Variants in NBPF8 observed in about 807,000 individuals in gnomAD.
NBPF8 encodes the protein NBPF member 8, also known as NBPF family member NBPF8.
downstream of NBPF8, among the ~76,000 whole-genome samples, chr1:120,469,329 G>A (rs1421371929): frequency 7.6e-5 from 11 of 143,960 alleles, no homozygotes; most frequent in African/African-American, 2.9e-4. Context: ...TTCTCTCCTG[G>A]CCCTTGATTG....
chr1:120,430,768 A>T (rs2101562246), intron 3 of NBPF8, among the ~76,000 whole-genome samples: 2 of 148,724 alleles, frequency 1.3e-5, no homozygotes, highest in East Asian at 3.9e-4. Context: ...AAAAAAAAAA[A>T]AAAAAAGGAA....
intron 16 of NBPF8, among the ~76,000 whole-genome samples, chr1:120,456,236 A>G (rs1376368275): frequency 1.1e-4 from 17 of 151,134 alleles, no homozygotes; most frequent in African/African-American, 4.2e-4. Flanking sequence ...AAGAATGTAT[A>G]TTCTGTTGAT....
At chr1:120,436,453 T>A (rs1316959266) in exon 1 of NBPF8, 1 of 1,198,386 alleles carries the variant, frequency 8.3e-7, no homozygotes, top group African/African-American at 1.5e-5. Flanking sequence ...TCACCAGTTT[T>A]TAACCCATCA....
intron 21 of NBPF8, 134 bp downstream of exon 19, chr1:120,463,100 TG>T (rs1661637890): frequency 1.4e-6 from 1 of 698,812 alleles, no homozygotes; most frequent in African/African-American, 1.8e-5. Flanking sequence ...GCATATAGGT[TG>T]TAATGAGACT....
upstream of NBPF8, chr1:120,432,547 GTACAAACATACATGGTA>G (rs1339439056): frequency 2.0e-5 from 3 of 150,858 alleles, no homozygotes; most frequent in East Asian, 5.8e-4. Flanking sequence ...ATAAGTGAAA[GTACAAACATACATGGTA>G]TAGCCACACG....
chr1:120,460,398 C>G (rs1661546909), intron 17 of NBPF8, among the ~76,000 whole-genome samples, 175 bp from the exon 16 acceptor site: 1 of 152,156 alleles, frequency 6.6e-6, no homozygotes, highest in African/African-American at 2.4e-5. Context: ...CATGAAAGAA[C>G]CCAAGCCAGT....
At chr1:120,466,241 G>A in exon 25 of NBPF8, 3 of 1,606,810 alleles carry the variant, frequency 1.9e-6, no homozygotes, top group East Asian at 2.2e-5. Flanking sequence ...ACTAAGCCGA[G>A]AGGTGTCATT....
intron 11 of NBPF8, among the ~76,000 whole-genome samples, 160 bp downstream of exon 9, chr1:120,449,562 A>G (rs1661198665): frequency 6.6e-6 from 1 of 151,868 alleles, no homozygotes; most frequent in Non-Finnish European, 1.5e-5. Context: ...TGGAAGACAG[A>G]GGTACCAAAG....
chr1:120,462,048 G>A, intron 19 of NBPF8, 98 bp from the exon 18 acceptor site: 2 of 308,612 alleles, frequency 6.5e-6, no homozygotes, highest in Non-Finnish European at 1.1e-5. Flanking sequence ...TTCTCATGCT[G>A]AGGAGCCTGA....
intron 1 of NBPF8, among the ~76,000 whole-genome samples, chr1:120,421,500 C>G (rs1660576285): frequency 3.3e-5 from 5 of 150,474 alleles, no homozygotes; most frequent in Admixed American, 3.3e-4. Context: ...GCCTTCCTCC[C>G]TCCCTCCCTT....
chr1:120,460,625 G>A lies in NBPF8; in HGVS notation n.2836+1G>A. 2.3e-6 allele frequency: 3 copies of A among 1,285,098 alleles called. No individual in the cohort carries two copies. Among genetic ancestry groups the A allele is most frequent in the South Asian group, 2.4e-5 (2 of 84,988 alleles). 79.6% of individuals were successfully genotyped at this position (1,285,098 alleles called of 1,614,324 possible). On this transcript the variant is annotated splice_donor_variant and non_coding_transcript_variant, in intron 18 of 24. Transcript: ENST00000583271. ...AGGACCAAGAGGCAACAGGTCCCAGGTGAGTCTGAGAAATTGTGGACAGTT... is the reference window on the plus strand; with the variant it reads ...AGGACCAAGAGGCAACAGGTCCCAGATGAGTCTGAGAAATTGTGGACAGTT...
chr1:120,424,379 C>T (rs1230874648), intron 1 of NBPF8, among the ~76,000 whole-genome samples: 4 of 151,752 alleles, frequency 2.6e-5, no homozygotes, highest in Non-Finnish European at 4.4e-5. Flanking sequence ...TTTTTAAAAT[C>T]TGCTATTAAA....
chr1:120,429,164 G>A (rs1660801177), intron 3 of NBPF8, among the ~76,000 whole-genome samples: 1 of 152,226 alleles, frequency 6.6e-6, no homozygotes, highest in African/African-American at 2.4e-5. Context: ...GGAAGTGAGA[G>A]GAAGGTGAGG....
chr1:120,420,822 C>G (rs1660553941), intron 1 of NBPF8, among the ~76,000 whole-genome samples: 1 of 149,060 alleles, frequency 6.7e-6, no homozygotes, highest in Non-Finnish European at 1.5e-5. Context: ...GGGCTAGAGA[C>G]CCCATAACGA....
At chr1:120,430,788 A>C (rs1570930716) in intron 3 of NBPF8, among the ~76,000 whole-genome samples, 1 of 150,578 alleles carries the variant, frequency 6.6e-6, no homozygotes, top group African/African-American at 2.4e-5. Flanking sequence ...AAGTCAACAA[A>C]ATTTATGTAA....
chr1:120,464,614 C>T (rs1230538410), intron 23 of NBPF8, 66 bp downstream of exon 21: 14 of 784,846 alleles, frequency 1.8e-5, no homozygotes, highest in Non-Finnish European at 3.0e-5. Flanking sequence ...CATGTTCCTG[C>T]TCCAAGTGGC....
chr1:120,436,272 A>T (rs1222043232), upstream of NBPF8: 2 of 846,730 alleles, frequency 2.4e-6, no homozygotes, highest in Non-Finnish European at 1.8e-6. Context: ...CCTCACTCTT[A>T]TCAGAGTCTG....
In NBPF8 at chr1:120,420,443, G is replaced by T; in HGVS notation, n.269+325G>T. The stretch of plus-strand genomic sequence containing the variant: ...CCCCCCATTCTCTGCCCCCATTTCC[G>T]TCTCTTGTTTCCACCCTGCCGTCCC... On this transcript the variant is annotated intron_variant and non_coding_transcript_variant, in intron 1 of 28. Transcript: ENST00000652355. Among the ~76,000 whole-genome samples, 2 of 139,166 alleles carry T rather than the reference G, an allele frequency of 1.4e-5. 1 individual carries two copies. Among genetic ancestry groups the T allele is most frequent in the Admixed American group, 1.4e-4 (2 of 13,974 alleles). 91.3% of individuals were successfully genotyped at this position (139,166 alleles called of 152,430 possible). A position where few individuals can be genotyped will look rare whatever the true frequency, so the allele number is the denominator to read the frequency against.
rs879107168 is a variant in NBPF8, at chr1:120,466,360, G to A, written n.3951G>A. 1.2e-4 allele frequency: 150 copies of A among 1,293,112 alleles called. 1 individual carries two copies. Among genetic ancestry groups the A allele is most frequent in the African/African-American group, 4.9e-4 (33 of 67,260 alleles). 80.1% of individuals were successfully genotyped at this position (1,293,112 alleles called of 1,614,324 possible). ...GGGCATGGCTCTATTCCTATTCTCA[G>A]AGCATGCCAGTGGCAACCTGTGCTC... On this transcript the variant is annotated non_coding_transcript_exon_variant, in exon 25 of 25. Coordinates refer to ENST00000583271, the Ensembl canonical transcript of NBPF8.
Sources: gnomAD v4.1 joint callset for allele counts (sites outside exome capture counted in the v4.1 genomes callset) on GRCh38, gnomAD v4.1.1 for gene constraint, MANE v1.5 for transcripts, NCBI Gene and HGNC (gene_info 2026-07-23, HGNC 2026-07-21) for gene names.